Variants in SLC71A2 observed in about 807,000 individuals in gnomAD.
The protein encoded by SLC71A2 is solute carrier family 71 member 2, also known as hippocampus abundant transcript-like 1.
chr9:94,428,312 T>C, the SLC71A2 span, among the ~76,000 whole-genome samples: 29 of 149,154 alleles, frequency 1.9e-4, no homozygotes, highest in African/African-American at 7.0e-4. Context: ...TTTTTTCTTA[T>C]AACTTTGGTA....
At chr9:94,413,576 C>T in the SLC71A2 span, among the ~76,000 whole-genome samples, 1 of 146,678 alleles carries the variant, frequency 6.8e-6, no homozygotes, top group Non-Finnish European at 1.5e-5. Context: ...TATGGGGGCT[C>T]ATACCTGTAA....
the SLC71A2 span, among the ~76,000 whole-genome samples, chr9:94,400,568 G>A: frequency 1.3e-4 from 18 of 136,984 alleles, no homozygotes; most frequent in Admixed American, 1.5e-4. Context: ...GCTTCCAAAT[G>A]AAAAAAAAAA....
the SLC71A2 span, among the ~76,000 whole-genome samples, chr9:94,450,507 T>TTTTTTTTTTTTTTTTTTCCC: frequency 7.3e-6 from 1 of 137,220 alleles, no homozygotes; most frequent in African/African-American, 3.0e-5. Context: ...TTTTTTTTTT[T>TTTTTTTTTTTTTTTTTTCCC]GAGATGGAGT....
the SLC71A2 span, among the ~76,000 whole-genome samples, chr9:94,399,169 G>A: frequency 6.6e-6 from 1 of 152,180 alleles, no homozygotes; most frequent in Non-Finnish European, 1.5e-5. Flanking sequence ...TACAGAAACA[G>A]TTGTTTTGGG....
chr9:94,443,264 C>T, the SLC71A2 span, among the ~76,000 whole-genome samples: 29,174 of 151,926 alleles, frequency 0.19, 2,988 homozygotes, highest in Middle Eastern at 0.28. Flanking sequence ...CAGACTGAGA[C>T]GGCACTTAGC....
At chr9:94,404,156 A>G in the SLC71A2 span, among the ~76,000 whole-genome samples, 1 of 152,216 alleles carries the variant, frequency 6.6e-6, no homozygotes, top group African/African-American at 2.4e-5. Flanking sequence ...TTTATAAACT[A>G]CCCAGTCTCA....
the SLC71A2 span, among the ~76,000 whole-genome samples, chr9:94,385,435 C>T: frequency 6.6e-6 from 1 of 152,130 alleles, no homozygotes; most frequent in East Asian, 1.9e-4. Context: ...TCTCTCTTTT[C>T]TAGTGTTTTT....
the SLC71A2 span, chr9:94,432,946 AG>A: frequency 5.1e-6 from 2 of 389,204 alleles, no homozygotes; most frequent in African/African-American, 2.1e-5. Context: ...AGGCATAATC[AG>A]GAATCCGGAT....
chr9:94,399,875 G>A, the SLC71A2 span, among the ~76,000 whole-genome samples: 6 of 150,828 alleles, frequency 4.0e-5, no homozygotes, highest in Admixed American at 2.7e-4. Flanking sequence ...GTGCGATCTC[G>A]GCTCACTACA....
At chr9:94,391,197 C>CAA in the SLC71A2 span, among the ~76,000 whole-genome samples, 74 of 58,942 alleles carry the variant, frequency 1.3e-3, no homozygotes, top group East Asian at 2.4e-3. Context: ...ATGTCTCTAC[C>CAA]AAAAAAAAAA....
the SLC71A2 span, among the ~76,000 whole-genome samples, chr9:94,420,599 T>C: frequency 6.6e-6 from 1 of 152,016 alleles, no homozygotes; most frequent in African/African-American, 2.4e-5. Flanking sequence ...ATAATACTTT[T>C]TTTTTTTTTT....
At chr9:94,399,636 A>G in the SLC71A2 span, among the ~76,000 whole-genome samples, 1 of 152,164 alleles carries the variant, frequency 6.6e-6, no homozygotes, top group Admixed American at 6.5e-5. Flanking sequence ...TTAATTGGTC[A>G]GTCACAGCAT....
the SLC71A2 span, among the ~76,000 whole-genome samples, chr9:94,454,741 C>T: frequency 6.6e-6 from 1 of 152,132 alleles, no homozygotes; most frequent in Admixed American, 6.5e-5. Context: ...CTGATTATGG[C>T]AAGCTTCACT....
the SLC71A2 span, among the ~76,000 whole-genome samples, chr9:94,385,082 A>G: frequency 1.3e-5 from 2 of 152,060 alleles, no homozygotes; most frequent in Non-Finnish European, 2.9e-5. Flanking sequence ...TCATTTCATT[A>G]TAAATTACTC....
the SLC71A2 span, among the ~76,000 whole-genome samples, chr9:94,382,394 T>TTTGTTG: frequency 6.6e-6 from 1 of 151,558 alleles, no homozygotes; most frequent in South Asian, 2.1e-4. Context: ...TTGCCTATTT[T>TTTGTTG]TTGTTGTTGT....
the SLC71A2 span, among the ~76,000 whole-genome samples, chr9:94,414,560 G>A: frequency 1.3e-5 from 2 of 152,174 alleles, no homozygotes; most frequent in Admixed American, 6.5e-5. Flanking sequence ...ATTCGTAAGG[G>A]ACAGAGCAGT....
chr9:94,414,295 C>T, the SLC71A2 span, among the ~76,000 whole-genome samples: 1 of 152,078 alleles, frequency 6.6e-6, no homozygotes, highest in African/African-American at 2.4e-5. Context: ...CGAGTCAAGG[C>T]AGGGTTAACA....
At chr9:94,384,490 C>T in the SLC71A2 span, among the ~76,000 whole-genome samples, 6 of 152,018 alleles carry the variant, frequency 3.9e-5, no homozygotes, top group Non-Finnish European at 7.4e-5. Flanking sequence ...CAGGCGCGCA[C>T]GAGCAGGCCC....
chr9:94,455,747 C>G, the SLC71A2 span, among the ~76,000 whole-genome samples: 5 of 152,062 alleles, frequency 3.3e-5, no homozygotes, highest in Non-Finnish European at 7.3e-5. Flanking sequence ...GAGAGGAGGA[C>G]AAAGGTCTAA....
Sources: allele counts gnomAD v4.1 joint callset (sites outside exome capture counted in the v4.1 genomes callset), GRCh38; gene constraint gnomAD v4.1.1; transcripts MANE v1.5; gene names NCBI Gene and HGNC (gene_info 2026-07-23, HGNC 2026-07-21).